Variants in GUCY1A2 observed in about 807,000 individuals in gnomAD.
GUCY1A2 encodes the protein guanylate cyclase 1 soluble subunit alpha 2.
GUCY1A2 carries 27 observed loss-of-function variants against 63.5 expected under a neutral mutation model. The observed-to-expected ratio is 0.43, with a 90% CI of 0.31 to 0.59. The LOEUF (loss-of-function observed/expected upper bound fraction) is 0.59, where lower values mean the gene tolerates loss of function less well. GUCY1A2 is among the 20% of genes least tolerant of loss of function. The probability of loss-of-function intolerance (pLI) is 0.11; values close to 1 mark genes in which losing one functional copy is unlikely to be tolerated. For synonymous variants in GUCY1A2, 364 were observed against 343.5 expected, an observed-to-expected ratio of 1.06 and a Z score of -0.66; for missense variants, 768 against 913.3, an observed-to-expected ratio of 0.84 and a Z score of 2.05.
chr11:106,713,594 T>C (rs1863163054), intron 6 of GUCY1A2, among the ~76,000 whole-genome samples: 2 of 139,960 alleles, frequency 1.4e-5, no homozygotes, highest in Non-Finnish European at 3.0e-5. Context: ...GCAAGCTCCG[T>C]CTCCCGGGTT....
intron 3 of GUCY1A2, among the ~76,000 whole-genome samples, chr11:106,974,608 A>G (rs1861238757): frequency 6.6e-6 from 1 of 152,112 alleles, no homozygotes; most frequent in Non-Finnish European, 1.5e-5. Context: ...GATCCCTGAT[A>G]CTAAGAAAAT....
At chr11:107,014,930 T>C (rs994979335) in intron 1 of GUCY1A2, among the ~76,000 whole-genome samples, 2 of 152,214 alleles carry the variant, frequency 1.3e-5, no homozygotes, top group African/African-American at 4.8e-5. Flanking sequence ...CCAGCTTTCA[T>C]GAGAGAATAG....
At chr11:106,905,895 A>C (rs1211067091) in intron 4 of GUCY1A2, among the ~76,000 whole-genome samples, 1 of 152,056 alleles carries the variant, frequency 6.6e-6, no homozygotes, top group Admixed American at 6.6e-5. Flanking sequence ...AACACGTATA[A>C]GATGCTTTTA....
chr11:106,703,796 A>G (rs1862858900), intron 7 of GUCY1A2, among the ~76,000 whole-genome samples: 1 of 151,912 alleles, frequency 6.6e-6, no homozygotes, highest in East Asian at 1.9e-4. Context: ...ATTATATACT[A>G]TATATACGAT....
At chr11:106,851,694 TG>T (rs1289130645) in intron 4 of GUCY1A2, among the ~76,000 whole-genome samples, 1 of 152,006 alleles carries the variant, frequency 6.6e-6, no homozygotes, top group Non-Finnish European at 1.5e-5. Context: ...TCTGTTCCAT[TG>T]ATCTATGTGT....
chr11:106,743,249 T>C (rs1863729415), intron 6 of GUCY1A2, among the ~76,000 whole-genome samples: 2 of 152,182 alleles, frequency 1.3e-5, no homozygotes, highest in Admixed American at 1.3e-4. Context: ...TTCAAATTCA[T>C]AATACATAAA....
At chr11:106,934,972 A>C (rs1944210) in intron 4 of GUCY1A2, among the ~76,000 whole-genome samples, 92,656 of 152,044 alleles carry the variant, frequency 0.61, 28,822 homozygotes, top group Non-Finnish European at 0.68. Flanking sequence ...TGAACATAAA[A>C]GACATTAGTA....
chr11:106,728,763 C>G (rs1378575050), intron 6 of GUCY1A2, among the ~76,000 whole-genome samples: 1 of 151,632 alleles, frequency 6.6e-6, no homozygotes, highest in Admixed American at 6.6e-5. Context: ...ATATTTGCAA[C>G]CCCATCTAAA....
At chr11:106,697,070 T>C (rs1036423549) in intron 7 of GUCY1A2, among the ~76,000 whole-genome samples, 7 of 152,200 alleles carry the variant, frequency 4.6e-5, no homozygotes, top group African/African-American at 1.7e-4. Context: ...ATTTATAAAG[T>C]ATTCAGTTTA....
intron 6 of GUCY1A2, among the ~76,000 whole-genome samples, chr11:106,745,325 T>C (rs1239734195): frequency 2.6e-5 from 4 of 152,332 alleles, no homozygotes; most frequent in Non-Finnish European, 4.4e-5. Flanking sequence ...ACACTCTCTT[T>C]CTCTCTTAAA....
intron 4 of GUCY1A2, chr11:106,828,028 T>G: frequency 1.6e-6 from 1 of 640,756 alleles, no homozygotes. Flanking sequence ...TCGGGCCCTT[T>G]GCCCACTTTT....
chr11:106,996,284 A>T (rs1028815143), intron 1 of GUCY1A2, among the ~76,000 whole-genome samples: 2 of 152,220 alleles, frequency 1.3e-5, no homozygotes, highest in Non-Finnish European at 2.9e-5. Flanking sequence ...GAAACATTAT[A>T]TCTAATACTG....
intron 3 of GUCY1A2, among the ~76,000 whole-genome samples, chr11:106,953,401 G>A (rs1860937937): frequency 6.6e-6 from 1 of 152,156 alleles, no homozygotes. Context: ...TAAGTTTTTT[G>A]ATGTGCTGCT....
intron 4 of GUCY1A2, among the ~76,000 whole-genome samples, chr11:106,839,050 C>T (rs1859156923): frequency 6.6e-6 from 1 of 152,024 alleles, no homozygotes; most frequent in Admixed American, 6.6e-5. Context: ...AAGTCCTTGC[C>T]CATACCTATG....
intron 6 of GUCY1A2, among the ~76,000 whole-genome samples, chr11:106,751,662 T>C (rs1226592196): frequency 6.6e-6 from 1 of 152,164 alleles, no homozygotes; most frequent in East Asian, 1.9e-4. Context: ...AAATAAACTT[T>C]CATATTTTTA....
intron 3 of GUCY1A2, among the ~76,000 whole-genome samples, chr11:106,944,694 A>C (rs911294357): frequency 1.3e-5 from 2 of 152,168 alleles, no homozygotes; most frequent in African/African-American, 4.8e-5. Context: ...ATCAGAAATA[A>C]ATTTTAACAA....
intron 4 of GUCY1A2, chr11:106,936,774 C>G (rs1158205696): frequency 1.2e-6 from 1 of 860,022 alleles, no homozygotes; most frequent in South Asian, 1.6e-5. Context: ...ACAAACAAAA[C>G]AGTTAAATTA....
intron 4 of GUCY1A2, among the ~76,000 whole-genome samples, chr11:106,867,275 T>A (rs1859607694): frequency 6.6e-6 from 1 of 152,040 alleles, no homozygotes; most frequent in African/African-American, 2.4e-5. Flanking sequence ...AAAAGAGACA[T>A]AAAGATATTT....
At position 107,004,950 on chromosome 11, in the gene GUCY1A2, T is replaced by A. The variant is rs118132216; in HGVS notation, c.303+12803A>T. ...AGAGTACAAGATGAGGTTAGAGACATAGGTTCTTGATGTTCTCTGTTAAAG... is the reference window on the plus strand; with the variant it reads ...AGAGTACAAGATGAGGTTAGAGACAAAGGTTCTTGATGTTCTCTGTTAAAG... On this transcript the variant is annotated intron_variant, in intron 1 of 7. Transcript: ENST00000526355. Among the ~76,000 whole-genome samples the A allele has an allele frequency of 3.3e-5, 5 of 152,162 alleles. No homozygotes were observed. In the East Asian group the frequency reaches 7.7e-4, roughly 23 times the overall value.
Sources: gnomAD v4.1 joint callset for allele counts (sites outside exome capture counted in the v4.1 genomes callset) on GRCh38, gnomAD v4.1.1 for gene constraint, MANE v1.5 for transcripts, NCBI Gene and HGNC (gene_info 2026-07-23, HGNC 2026-07-21) for gene names.